The following NCKAP5 variants were observed in gnomAD, a reference collection of about 807,000 sequenced individuals.
The protein encoded by NCKAP5 is nck-associated protein 5.
NCKAP5 carries 92 observed loss-of-function variants against 167.0 expected under a neutral mutation model. The observed-to-expected ratio is 0.55, with a 90% CI of 0.47 to 0.66. The LOEUF (loss-of-function observed/expected upper bound fraction) is 0.66, where lower values mean the gene tolerates loss of function less well. NCKAP5 is among the 30% of genes least tolerant of loss of function. The pLI is 0.00. For missense variants in NCKAP5, 2,378 were observed against 2,315.0 expected, an observed-to-expected ratio of 1.03 and a Z score of -0.56; for synonymous variants, 891 against 877.4, an observed-to-expected ratio of 1.02 and a Z score of -0.27.
the NCKAP5 span, among the ~76,000 whole-genome samples, chr2:133,585,035 A>T: frequency 6.9e-6 from 1 of 145,478 alleles, no homozygotes; most frequent in South Asian, 2.2e-4. Context: ...GAAAGTAAAG[A>T]AAAAAGAGGG....
chr2:132,783,552 C>T lies in NCKAP5; in HGVS notation c.3259G>A (p.Gly1087Arg). ...CTATCATTCAATTGTCCTTTTCTCC[C>T]TGGAGATACACTTTTGGAGGACGTC... ...EMTSSKSVSP[G>R]RKGQLNDSAS... is the part of the protein sequence containing the mutation. The change falls in exon 14 of 20, where the codon GGG becomes AGG. Residue 1087 changes from glycine (G) to arginine (R), a missense_variant. Physicochemically the swap from Gly to Arg is moderately radical, Grantham distance 125 (BLOSUM62 -2). Around this residue, in one of 3 missense-constraint regions of NCKAP5, gnomAD observed 1,325 missense variants for 1,274.5 expected, o/e 1.04. Coordinates refer to ENST00000409261, the MANE Select transcript of NCKAP5 (RefSeq NM_207363.3). 6.2e-7 allele frequency: 1 copy of T among 1,613,906 alleles called. No homozygotes were observed. The highest frequency in any genetic ancestry group is 8.5e-7 in the Non-Finnish European group (1 of 1,179,880).
chr2:132,737,710 G>A (rs1006851293), intron 16 of NCKAP5, among the ~76,000 whole-genome samples: 2 of 152,122 alleles, frequency 1.3e-5, no homozygotes, highest in Admixed American at 6.5e-5. Context: ...GTGCTTTGAG[G>A]ACTAGAAACA....
chr2:133,111,555 G>C (rs1324761575), intron 6 of NCKAP5, among the ~76,000 whole-genome samples: 1 of 152,124 alleles, frequency 6.6e-6, no homozygotes, highest in Non-Finnish European at 1.5e-5. Context: ...TGGTCATGTA[G>C]AATGTGCACA....
chr2:132,687,755 A>ACACACACACACACACACC (rs138845809), intron 19 of NCKAP5, among the ~76,000 whole-genome samples: 2 of 142,216 alleles, frequency 1.4e-5, no homozygotes, highest in Admixed American at 7.1e-5. Flanking sequence ...ACACACACAC[A>ACACACACACACACACACC]CCCTTCCTCT....
chr2:133,483,762 T>C (rs1191687406), intron 3 of NCKAP5, among the ~76,000 whole-genome samples: 1 of 152,190 alleles, frequency 6.6e-6, no homozygotes, highest in African/African-American at 2.4e-5. Flanking sequence ...CCAAAGTAGC[T>C]GATCATTAGA....
intron 11 of NCKAP5, among the ~76,000 whole-genome samples, chr2:132,820,900 G>C (rs72991322): frequency 1.3e-5 from 2 of 152,144 alleles, no homozygotes; most frequent in Non-Finnish European, 2.9e-5. Context: ...CTTATCCTGC[G>C]TGATAAGTGA....
At chr2:133,615,654 T>C in the NCKAP5 span, among the ~76,000 whole-genome samples, 86 of 152,140 alleles carry the variant, frequency 5.7e-4, no homozygotes, top group Middle Eastern at 6.8e-3. Context: ...CATAAAGCAA[T>C]TCCTGAGTGA....
At chr2:133,163,117 C>CA (rs34094631) in intron 5 of NCKAP5, among the ~76,000 whole-genome samples, 20,839 of 151,992 alleles carry the variant, frequency 0.14, 1,638 homozygotes, top group East Asian at 0.39. Context: ...GAACTCACAG[C>CA]AAAAAAAGAG....
chr2:133,133,571 G>T (rs1559175405), intron 5 of NCKAP5, among the ~76,000 whole-genome samples: 1 of 152,174 alleles, frequency 6.6e-6, no homozygotes, highest in Non-Finnish European at 1.5e-5. Flanking sequence ...CTTTACAGAG[G>T]TGAGCTTTGT....
chr2:133,364,064 T>C (rs1559418856), intron 3 of NCKAP5, among the ~76,000 whole-genome samples: 2 of 152,146 alleles, frequency 1.3e-5, no homozygotes, highest in Non-Finnish European at 2.9e-5. Flanking sequence ...GTTGGTATCA[T>C]CATCATCATC....
chr2:132,858,902 T>C (rs559306698), intron 11 of NCKAP5, among the ~76,000 whole-genome samples: 3 of 152,170 alleles, frequency 2.0e-5, no homozygotes, highest in Non-Finnish European at 4.4e-5. Context: ...ACAGGGACTG[T>C]AGAGTCTTAA....
intron 4 of NCKAP5, among the ~76,000 whole-genome samples, chr2:133,295,608 G>A (rs1332914641): frequency 2.0e-5 from 3 of 152,114 alleles, no homozygotes; most frequent in Middle Eastern, 3.2e-3. Flanking sequence ...ACTGTGAGAG[G>A]GGACGACTTT....
chr2:132,764,043 T>A (rs1681243344), intron 16 of NCKAP5, among the ~76,000 whole-genome samples: 1 of 152,150 alleles, frequency 6.6e-6, no homozygotes, highest in African/African-American at 2.4e-5. Flanking sequence ...ACACTGTAAG[T>A]CCATAATTCT....
chr2:133,446,518 T>G (rs1691203164), intron 3 of NCKAP5, among the ~76,000 whole-genome samples: 1 of 152,096 alleles, frequency 6.6e-6, no homozygotes, highest in Admixed American at 6.5e-5. Context: ...CAAGGAAAAT[T>G]TAAACAAGTT....
At chr2:133,437,136 G>A (rs1199542506) in intron 3 of NCKAP5, among the ~76,000 whole-genome samples, 7 of 152,058 alleles carry the variant, frequency 4.6e-5, no homozygotes, top group African/African-American at 2.4e-5. Context: ...GGCGGATCAC[G>A]AGATCAGAAG....
chr2:133,438,844 T>C (rs1384043481), intron 3 of NCKAP5, among the ~76,000 whole-genome samples: 1 of 152,234 alleles, frequency 6.6e-6, no homozygotes, highest in Non-Finnish European at 1.5e-5. Flanking sequence ...TTACTGCTGC[T>C]TTTGTCTGTA....
intron 16 of NCKAP5, among the ~76,000 whole-genome samples, chr2:132,755,700 G>A (rs775892843): frequency 7.9e-5 from 12 of 151,692 alleles, no homozygotes; most frequent in African/African-American, 2.7e-4. Flanking sequence ...ATGGTGGCGC[G>A]CGCCTGTAAT....
At chr2:133,188,056 T>G (rs956449753) in intron 5 of NCKAP5, among the ~76,000 whole-genome samples, 1 of 152,106 alleles carries the variant, frequency 6.6e-6, no homozygotes. Flanking sequence ...CTGATGCAGT[T>G]TCTTCCTGGC....
At chr2:132,719,381 A>AGTT (rs70973403) in intron 19 of NCKAP5, among the ~76,000 whole-genome samples, 63,462 of 151,900 alleles carry the variant, frequency 0.42, 16,097 homozygotes, top group African/African-American at 0.7. Flanking sequence ...TTGCTCTTGA[A>AGTT]GTTGTTTTCA....
Sources: gnomAD v4.1 joint callset for allele counts (sites outside exome capture counted in the v4.1 genomes callset) on GRCh38, gnomAD v4.1.1 for gene constraint, gnomAD v4.1.1 regional missense constraint, MANE v1.5 for transcripts, NCBI Gene and HGNC (gene_info 2026-07-23, HGNC 2026-07-21) for gene names.